KLF17: variants seen among roughly 807,000 people sequenced by gnomAD.
KLF17 encodes the protein Krueppel-like factor 17.
Under a neutral mutation model 34.2 loss-of-function variants are expected in KLF17, and 31 were observed. That is an observed-to-expected ratio of 0.91 (90% CI 0.68 to 1.22). The LOEUF (loss-of-function observed/expected upper bound fraction) is 1.22. Among genes scored for constraint, KLF17 ranks in the 50% most tolerant of loss-of-function variants. The pLI is 0.00. For missense variants in KLF17, 478 were observed against 505.2 expected (o/e 0.95, Z 0.52); for synonymous variants, 179 against 186.7 (o/e 0.96, Z 0.34).
chr1:44,047,622 G>A, the KLF17 span, among the ~76,000 whole-genome samples: 2 of 152,156 alleles, frequency 1.3e-5, no homozygotes, highest in South Asian at 2.1e-4. Context: ...TCCATCTTGA[G>A]GGAAAGAATG....
chr1:44,072,876 G>A, the KLF17 span, among the ~76,000 whole-genome samples: 79 of 152,186 alleles, frequency 5.2e-4, no homozygotes, highest in African/African-American at 1.6e-3. Flanking sequence ...GAGGAAAATC[G>A]GAAAACGTAG....
chr1:44,057,540 T>C, the KLF17 span, among the ~76,000 whole-genome samples: 1 of 152,154 alleles, frequency 6.6e-6, no homozygotes, highest in East Asian at 1.9e-4. Flanking sequence ...AGTATTCCCA[T>C]TCACTGCATT....
the KLF17 span, among the ~76,000 whole-genome samples, chr1:44,099,945 A>C: frequency 7.0e-6 from 1 of 142,432 alleles, no homozygotes; most frequent in East Asian, 2.1e-4. Flanking sequence ...GGAGGGAGAC[A>C]AAGAGACTGG....
chr1:44,061,016 A>G, the KLF17 span: 1 of 152,166 alleles, frequency 6.6e-6, no homozygotes, highest in East Asian at 1.9e-4. Context: ...GTGCCTTCCC[A>G]AGCTTCACCT....
chr1:44,052,954 G>A, the KLF17 span, among the ~76,000 whole-genome samples: 1 of 150,194 alleles, frequency 6.7e-6, no homozygotes, highest in South Asian at 2.1e-4. Flanking sequence ...AGGCTGGAGT[G>A]CAGCGGCAAG....
upstream of KLF17, chr1:44,117,436 A>ATTTATTTTATTTTATTTTATTTTAT (rs143866219): frequency 2.8e-5 from 4 of 145,350 alleles, no homozygotes; most frequent in African/African-American, 1.0e-4. Context: ...CTCCTTTTTT[A>ATTTATTTTATTTTATTTTATTTTAT]TTTATTTTAT....
chr1:44,088,002 C>A, the KLF17 span: 1 of 216,864 alleles, frequency 4.6e-6, no homozygotes, highest in Middle Eastern at 1.0e-3. Flanking sequence ...ACAGAAGAGT[C>A]CCATGGACTC....
the KLF17 span, among the ~76,000 whole-genome samples, chr1:44,052,987 G>T: frequency 6.7e-6 from 1 of 149,412 alleles, no homozygotes; most frequent in East Asian, 2.0e-4. Context: ...CACAACCTCT[G>T]CCTCCTGGTT....
chr1:44,112,702 T>C, the KLF17 span, among the ~76,000 whole-genome samples: 1 of 152,302 alleles, frequency 6.6e-6, no homozygotes. Context: ...GTCACCGCAA[T>C]TGGCCTTCAG....
chr1:44,065,217 G>A, the KLF17 span, among the ~76,000 whole-genome samples: 178 of 151,868 alleles, frequency 1.2e-3, no homozygotes, highest in Admixed American at 1.8e-3. Context: ...GAACCTGGGA[G>A]GCAGAGGTTG....
the KLF17 span, among the ~76,000 whole-genome samples, chr1:44,071,609 A>G: frequency 6.6e-6 from 1 of 151,880 alleles, no homozygotes; most frequent in Non-Finnish European, 1.5e-5. Flanking sequence ...AAAAGCTTGA[A>G]TTTGCTCACT....
At chr1:44,061,670 C>T in the KLF17 span, among the ~76,000 whole-genome samples, 6 of 152,150 alleles carry the variant, frequency 3.9e-5, no homozygotes, top group Non-Finnish European at 7.3e-5. Context: ...GTAATTCCAG[C>T]GCTTTGGGAT....
chr1:44,119,423 A>C (rs57773265), intron 1 of KLF17, among the ~76,000 whole-genome samples: 13,096 of 148,560 alleles, frequency 0.088, 617 homozygotes, highest in African/African-American at 0.11. Context: ...AAAAAACCCC[A>C]AAAATGTTAA....
chr1:44,081,598 T>C, the KLF17 span, among the ~76,000 whole-genome samples: 3 of 151,954 alleles, frequency 2.0e-5, no homozygotes, highest in South Asian at 6.2e-4. Flanking sequence ...GTATTTTTTT[T>C]CCCATAGAGA....
chr1:44,072,166 A>G, the KLF17 span, among the ~76,000 whole-genome samples: 1 of 149,334 alleles, frequency 6.7e-6, no homozygotes, highest in Admixed American at 6.6e-5. Flanking sequence ...AAAGGAACCC[A>G]GGTTTTTTTT....
At chr1:44,101,003 T>A in the KLF17 span, among the ~76,000 whole-genome samples, 1 of 152,200 alleles carries the variant, frequency 6.6e-6, no homozygotes, top group African/African-American at 2.4e-5. Context: ...AAAACACAAC[T>A]ACTACAACAC....
Position 44,130,058 on chromosome 1 carries a change from GAGA to G in KLF17, c.792_794del (p.Lys264del), listed in dbSNP as rs1273902409. On this transcript the variant is annotated inframe_deletion, in exon 2 of 4. Coordinates refer to ENST00000372299, the MANE Select transcript of KLF17 (RefSeq NM_173484.4). ...GCCCGGACCTGCTCCACAGACAGTA[GAGA>G]AGAACTCCAGGCCTCAGGAAGGGAC... 8.1e-6 allele frequency: 13 copies of G among 1,614,106 alleles called. No individual in the cohort carries two copies. Among genetic ancestry groups the G allele is most frequent in the African/African-American group, 1.3e-5 (1 of 74,926 alleles).
the KLF17 span, among the ~76,000 whole-genome samples, chr1:44,083,753 C>T: frequency 7.0e-6 from 1 of 142,114 alleles, no homozygotes; most frequent in African/African-American, 2.6e-5. Flanking sequence ...AAGATGGCAC[C>T]ACTGTATTCC....
the KLF17 span, among the ~76,000 whole-genome samples, chr1:44,091,961 ACTCTCT>A: frequency 0.078 from 9,032 of 116,454 alleles, 512 homozygotes; most frequent in African/African-American, 0.1. Flanking sequence ...ACACACACAC[ACTCTCT>A]CTCTCTCTCT....
Sources: gnomAD v4.1 joint callset for allele counts (sites outside exome capture counted in the v4.1 genomes callset) on GRCh38, gnomAD v4.1.1 for gene constraint, MANE v1.5 for transcripts, NCBI Gene and HGNC (gene_info 2026-07-23, HGNC 2026-07-21) for gene names.